MTCL1: variants seen among roughly 807,000 people sequenced by gnomAD.
MTCL1 encodes the protein microtubule crosslinking factor 1.
In MTCL1, 79 loss-of-function variants were observed where a neutral mutation model predicts 141.4. The ratio of observed to expected loss-of-function variants is 0.56; its 90% CI spans 0.47 to 0.67. The LOEUF (loss-of-function observed/expected upper bound fraction) is 0.67, where lower values mean the gene tolerates loss of function less well. Among genes scored for constraint, MTCL1 ranks in the 30% least tolerant of loss-of-function variants. The probability of loss-of-function intolerance (pLI) is 0.00; values close to 1 mark genes in which losing one functional copy is unlikely to be tolerated. For synonymous variants in MTCL1, 914 were observed against 875.8 expected (o/e 1.04, Z -0.77); for missense variants, 2,177 against 2,113.9 (o/e 1.03, Z -0.59).
intron 5 of MTCL1, among the ~76,000 whole-genome samples, chr18:8,780,709 G>C (rs553283233): frequency 2.6e-5 from 4 of 152,178 alleles, no homozygotes; most frequent in Non-Finnish European, 5.9e-5. Context: ...GAACAACAAA[G>C]ACCTGTCTAT....
At chr18:8,726,278 CTTTTTTTCTTTTTTTTTT>C (rs2096210348) in intron 4 of MTCL1, among the ~76,000 whole-genome samples, 1 of 78,048 alleles carries the variant, frequency 1.3e-5, no homozygotes, top group East Asian at 4.4e-4. Flanking sequence ...GCTTTTTTTT[CTTTTTTTCTTTTTTTTTT>C]TTTTTTTTTT....
intron 4 of MTCL1, among the ~76,000 whole-genome samples, chr18:8,755,199 A>G (rs1439585424): frequency 6.6e-6 from 1 of 152,224 alleles, no homozygotes; most frequent in African/African-American, 2.4e-5. Context: ...GACTTGCCCA[A>G]GGTCACACGC....
intron 11 of MTCL1, chr18:8,809,452 G>A: frequency 6.5e-7 from 1 of 1,535,216 alleles, no homozygotes; most frequent in East Asian, 2.4e-5. Flanking sequence ...CGTTAGAATT[G>A]TTGTGGATAT....
chr18:8,806,220 G>A (rs2076292065), intron 10 of MTCL1, among the ~76,000 whole-genome samples: 1 of 152,000 alleles, frequency 6.6e-6, no homozygotes, highest in Non-Finnish European at 1.5e-5. Context: ...TTTCACCTTT[G>A]GCTTTAATTA....
chr18:8,798,610 C>G (rs1736938603), intron 10 of MTCL1, among the ~76,000 whole-genome samples: 1 of 152,150 alleles, frequency 6.6e-6, no homozygotes, highest in African/African-American at 2.4e-5. Context: ...TTGGCAACAT[C>G]ATTCGTTTGG....
chr18:8,791,525 A>G (rs1408943164), intron 7 of MTCL1, among the ~76,000 whole-genome samples: 2 of 151,526 alleles, frequency 1.3e-5, no homozygotes, highest in Non-Finnish European at 2.9e-5. Context: ...CACGGCAAAT[A>G]GCAGGATTCA....
upstream of MTCL1, among the ~76,000 whole-genome samples, chr18:8,717,046 G>C (rs2096133108): frequency 6.6e-6 from 1 of 152,166 alleles, no homozygotes; most frequent in Admixed American, 6.5e-5. Flanking sequence ...TCGCCTTTCT[G>C]ACTTGGTGTT....
At chr18:8,831,680 G>T (rs921203959) in exon 17 of MTCL1, 2 of 1,550,308 alleles carry the variant, frequency 1.3e-6, no homozygotes, top group Admixed American at 3.9e-5. Flanking sequence ...GCAAACCGTC[G>T]CCCTCCGTCC....
exon 6 of MTCL1, chr18:8,784,742 C>G: frequency 6.2e-7 from 1 of 1,614,162 alleles, no homozygotes; most frequent in African/African-American, 1.3e-5. Flanking sequence ...ATCCCCCTTG[C>G]CCCACCTCAC....
rs1340797436 is a variant in MTCL1, at chr18:8,830,720, A to G, written c.*19-887A>G. 2.0e-6 allele frequency: 2 copies of G among 985,336 alleles called. No individual in the cohort carries two copies. Among genetic ancestry groups the G allele is most frequent in the African/African-American group, 3.5e-5 (2 of 57,242 alleles). The allele number at this position is 985,336 out of a possible 1,614,324, so 61.0% of individuals were successfully genotyped here. A position where few individuals can be genotyped will look rare whatever the true frequency, so the allele number is the denominator to read the frequency against. ...AGTGTCATTCCAGCCAGCGGGCTCCATGCTGGGCAACTCAGTTTTCTCATG... is the reference window on the plus strand; with the variant it reads ...AGTGTCATTCCAGCCAGCGGGCTCCGTGCTGGGCAACTCAGTTTTCTCATG... On this transcript the variant is annotated intron_variant, in intron 16 of 16. Coordinates refer to ENST00000359865, the Ensembl canonical transcript of MTCL1. This position sits in a 1 kb window ranked among gnomAD's most constrained non-coding sequence, Gnocchi z 6.4.
exon 15 of MTCL1, chr18:8,825,890 C>G: frequency 6.2e-7 from 1 of 1,613,614 alleles, no homozygotes; most frequent in Non-Finnish European, 8.5e-7. Context: ...AGGACCCCTT[C>G]CAGAAGGGGC....
At chr18:8,796,064 C>G (rs2075906740) in intron 8 of MTCL1, among the ~76,000 whole-genome samples, 168 bp from the exon 8 acceptor site, 1 of 152,174 alleles carries the variant, frequency 6.6e-6, no homozygotes, top group Non-Finnish European at 1.5e-5. Context: ...GTTTTGTAAA[C>G]AGGAAACTGA....
At chr18:8,706,033 G>C in exon 1 of MTCL1, 1 of 1,180,094 alleles carries the variant, frequency 8.5e-7, no homozygotes. Context: ...CGGTGCCAAG[G>C]CTGCCCTGGG....
chr18:8,764,082 G>A (rs2096446942), intron 4 of MTCL1, among the ~76,000 whole-genome samples: 2 of 152,016 alleles, frequency 1.3e-5, no homozygotes, highest in Admixed American at 1.3e-4. Context: ...GAGTGAAAAA[G>A]CCTGTTTTCT....
At chr18:8,760,934 G>A (rs1229151482) in intron 4 of MTCL1, among the ~76,000 whole-genome samples, 1 of 152,184 alleles carries the variant, frequency 6.6e-6, no homozygotes, top group Non-Finnish European at 1.5e-5. Flanking sequence ...ATTAAAATAT[G>A]CTGCTTTGAA....
chr18:8,731,309 C>G (rs1179391962), intron 4 of MTCL1, among the ~76,000 whole-genome samples: 1 of 151,684 alleles, frequency 6.6e-6, no homozygotes, highest in East Asian at 2.0e-4. Flanking sequence ...CACGATGGTT[C>G]ATGCCTCTAA....
At chr18:8,741,241 G>A (rs890954238) in intron 4 of MTCL1, among the ~76,000 whole-genome samples, 8 of 152,304 alleles carry the variant, frequency 5.3e-5, no homozygotes, top group Non-Finnish European at 8.8e-5. Context: ...TCATTACAGT[G>A]TGTTAATTAC....
exon 6 of MTCL1, chr18:8,784,657 C>T (rs763832411): frequency 6.8e-6 from 11 of 1,613,952 alleles, no homozygotes; most frequent in East Asian, 2.2e-5. Flanking sequence ...TGGGGACCAT[C>T]AACGCCAAGA....
At chr18:8,729,977 T>C (rs1416300874) in intron 4 of MTCL1, among the ~76,000 whole-genome samples, 1 of 152,148 alleles carries the variant, frequency 6.6e-6, no homozygotes, top group East Asian at 1.9e-4. Context: ...AATTTTTGTA[T>C]ATGCTATGAA....
Sources: allele counts gnomAD v4.1 joint callset (sites outside exome capture counted in the v4.1 genomes callset), GRCh38; gene constraint gnomAD v4.1.1; non-coding constraint Gnocchi (gnomAD v3.1); transcripts MANE v1.5; gene names NCBI Gene and HGNC (gene_info 2026-07-23, HGNC 2026-07-21).